The following FRMPD2 variants were observed in gnomAD, a reference collection of about 807,000 sequenced individuals.
The protein encoded by FRMPD2 is FERM and PDZ domain containing 2, also known as FERM and PDZ domain-containing protein 2.
A neutral mutation model predicts 140.1 loss-of-function variants in FRMPD2; 96 were observed. That is an observed-to-expected ratio of 0.69 (90% CI 0.58 to 0.81). FRMPD2 has a LOEUF of 0.81. Among genes scored for constraint, FRMPD2 ranks in the 40% least tolerant of loss-of-function variants. The probability of loss-of-function intolerance (pLI) is 0.00; values close to 1 mark genes in which losing one functional copy is unlikely to be tolerated. For synonymous variants in FRMPD2, 449 were observed against 547.6 expected, an observed-to-expected ratio of 0.82 and a Z score of 2.52; for missense variants, 1,240 against 1,447.4, an observed-to-expected ratio of 0.86 and a Z score of 2.32.
chr10:48,242,476 C>A, intron 4 of FRMPD2, 124 bp from the exon 5 acceptor site: 1 of 747,776 alleles, frequency 1.3e-6, no homozygotes, highest in Non-Finnish European at 2.1e-6. Context: ...AGAGCAGATG[C>A]CTGCCCCTTC....
Position 48,207,036 on chromosome 10 carries a change from A to G in FRMPD2, c.1612-103T>C, listed in dbSNP as rs1289218890. On this transcript the variant is annotated intron_variant, in intron 13 of 28. Coordinates refer to ENST00000374201, the MANE Select transcript of FRMPD2 (RefSeq NM_001018071.4). ...CAAAACACACTGATAGGCGTTCTGA[A>G]AAGAAAGAGTAGAATTGTCATGTAA... The G allele has an allele frequency of 2.9e-5, 28 of 978,070 alleles. No homozygotes were observed. In the East Asian group the frequency reaches 7.1e-4, roughly 25 times the overall value. The allele number at this position is 978,070 out of a possible 1,614,324, so 60.6% of individuals were successfully genotyped here. A position where few individuals can be genotyped will look rare whatever the true frequency, so the allele number is the denominator to read the frequency against.
intron 9 of FRMPD2, among the ~76,000 whole-genome samples, chr10:48,233,653 T>A (rs538656629): frequency 3.9e-4 from 59 of 152,154 alleles, no homozygotes; most frequent in African/African-American, 1.4e-3. Flanking sequence ...CTGAGTGAAG[T>A]CCCCAGGACA....
chr10:48,186,260 C>G (rs1005547975), intron 17 of FRMPD2, among the ~76,000 whole-genome samples: 6 of 152,212 alleles, frequency 3.9e-5, no homozygotes, highest in African/African-American at 1.2e-4. Context: ...GGTGACCCAC[C>G]ACTTCAGTCC....
At chr10:48,164,156 TG>T (rs1338956843) in intron 27 of FRMPD2, among the ~76,000 whole-genome samples, 3 of 150,564 alleles carry the variant, frequency 2.0e-5, no homozygotes, top group Admixed American at 6.6e-5. Flanking sequence ...TTTTAGGTTC[TG>T]GTTTTGATGA....
intron 14 of FRMPD2, among the ~76,000 whole-genome samples, chr10:48,204,673 G>GT (rs1195070127): frequency 2.6e-5 from 4 of 152,074 alleles, no homozygotes; most frequent in African/African-American, 4.8e-5. Flanking sequence ...AATTCATAAA[G>GT]TTTTTGTGAT....
intron 10 of FRMPD2, among the ~76,000 whole-genome samples, chr10:48,225,742 C>G (rs536443167): frequency 7.9e-5 from 12 of 152,302 alleles, no homozygotes; most frequent in African/African-American, 2.9e-4. Context: ...AATGACAAGC[C>G]TTTTCCCATA....
chr10:48,196,711 G>GT (rs1205992012), intron 15 of FRMPD2, among the ~76,000 whole-genome samples: 1 of 152,206 alleles, frequency 6.6e-6, no homozygotes, highest in Non-Finnish European at 1.5e-5. Context: ...GCTGAAAAGG[G>GT]TTACATGAAT....
chr10:48,217,428 C>T (rs769753884), intron 12 of FRMPD2, among the ~76,000 whole-genome samples: 4 of 152,178 alleles, frequency 2.6e-5, no homozygotes, highest in Admixed American at 6.5e-5. Flanking sequence ...GACACAGCAG[C>T]GCCTTCTGAA....
chr10:48,227,974 G>A (rs148562887), intron 10 of FRMPD2, among the ~76,000 whole-genome samples: 110 of 152,138 alleles, frequency 7.2e-4, no homozygotes, highest in African/African-American at 2.1e-3. Flanking sequence ...AAGCAAAAGC[G>A]TATGTATGTT....
intron 21 of FRMPD2, among the ~76,000 whole-genome samples, chr10:48,179,680 AG>A (rs1178278690): frequency 2.0e-5 from 3 of 151,926 alleles, no homozygotes; most frequent in Admixed American, 6.5e-5. Flanking sequence ...AGCTAAGATG[AG>A]TAGAAGAAAG....
chr10:48,267,832 T>C (rs2131988770), intron 1 of FRMPD2, among the ~76,000 whole-genome samples: 1 of 152,344 alleles, frequency 6.6e-6, no homozygotes, highest in East Asian at 1.9e-4. Context: ...CAAGTACTGA[T>C]ACATTCTACA....
intron 1 of FRMPD2, 88 bp from the exon 2 acceptor site, chr10:48,251,779 A>G (rs1840390077): frequency 2.0e-6 from 3 of 1,512,706 alleles, no homozygotes; most frequent in Non-Finnish European, 2.7e-6. Flanking sequence ...GCAGCCAGGC[A>G]TGGTCTGGCC....
At position 48,238,013 on chromosome 10, in the gene FRMPD2, C is replaced by A. The variant is rs1047294562; in HGVS notation, c.899G>T (p.Gly300Val). Reference protein sequence around the residue: ...SSWPTTPSQRGFLQRRSKFSR... With the variant: ...SSWPTTPSQRVFLQRRSKFSR... ...TACCTTGCTCCTTCTTTGCAGAAAACCCCTCTGAGAAGGAGTTGTTGGCCA... is the reference window on the plus strand; with the variant it reads ...TACCTTGCTCCTTCTTTGCAGAAAAACCCTCTGAGAAGGAGTTGTTGGCCA... Residue 300 changes from glycine (G) to valine (V), a missense_variant, in exon 8 of 29, where the codon GGT becomes GTT. Gly to Val is a moderately radical substitution (Grantham distance 109). Transcript: ENST00000374201. 5 of 1,614,086 alleles carry A rather than the reference C, an allele frequency of 3.1e-6. No individual in the cohort carries two copies. In the African/African-American group the frequency reaches 5.3e-5, roughly 17 times the overall value.
At position 48,240,389 on chromosome 10, in the gene FRMPD2, T is replaced by G; in HGVS notation, c.671A>C (p.Gln224Pro). ...GCAAGGATGCAGACACTCCGGGGCC[T>G]GTGCCGCTGGGCTCTCGCTGCTTGT... ...RGTSSESPAA[Q>P]APECLHPCRV... The change falls in exon 6 of 29, where the codon CAG becomes CCG. Residue 224 changes from glutamine (Q) to proline (P), a missense_variant. By Grantham distance (76) the Gln-to-Pro change is moderately conservative. Coordinates refer to ENST00000374201, the MANE Select transcript of FRMPD2 (RefSeq NM_001018071.4). The G allele has an allele frequency of 6.2e-7, 1 of 1,613,080 alleles. No individual in the cohort carries two copies. Among genetic ancestry groups the G allele is most frequent in the Non-Finnish European group, 8.5e-7 (1 of 1,180,044 alleles).
chr10:48,248,958 C>A (rs1010529694), intron 3 of FRMPD2, 63 bp downstream of exon 3: 135 of 1,452,126 alleles, frequency 9.3e-5, no homozygotes, highest in Middle Eastern at 5.0e-4. Flanking sequence ...GGGAGGCTGC[C>A]GCTGGGACAG....
intron 16 of FRMPD2, 89 bp from the exon 17 acceptor site, chr10:48,187,381 T>C: frequency 1.9e-6 from 2 of 1,078,324 alleles, no homozygotes; most frequent in Non-Finnish European, 2.8e-6. Context: ...GGCAACTTCT[T>C]GGCATTTCTG....
chr10:48,257,811 A>G (rs963441782), intron 1 of FRMPD2, among the ~76,000 whole-genome samples: 1 of 152,190 alleles, frequency 6.6e-6, no homozygotes, highest in Admixed American at 6.5e-5. Flanking sequence ...AGTGCTCAGC[A>G]CATAAAAGGT....
chr10:48,219,941 A>G (rs1276371235), intron 12 of FRMPD2, among the ~76,000 whole-genome samples: 1 of 152,196 alleles, frequency 6.6e-6, no homozygotes, highest in African/African-American at 2.4e-5. Flanking sequence ...TAGACTTTAC[A>G]ATGTACTAGC....
At position 48,222,461 on chromosome 10, in the gene FRMPD2, A is replaced by G. The variant is rs755738266; in HGVS notation, c.1317-10T>C. 9 of 1,613,580 alleles carry G rather than the reference A, an allele frequency of 5.6e-6. No homozygotes were observed. The highest frequency in any genetic ancestry group is 7.6e-6 in the Non-Finnish European group (9 of 1,179,738). On this transcript the variant is annotated splice_polypyrimidine_tract_variant and intron_variant, in intron 11 of 28. Coordinates refer to ENST00000374201, the MANE Select transcript of FRMPD2 (RefSeq NM_001018071.4). ...CCTTGTCAGGCTGTGCCTGGAAAAG[A>G]AGTAGCAATAAAAAGGGCTGGGTTG...
Sources: gnomAD v4.1 joint callset for allele counts (sites outside exome capture counted in the v4.1 genomes callset) on GRCh38, gnomAD v4.1.1 for gene constraint, MANE v1.5 for transcripts, NCBI Gene and HGNC (gene_info 2026-07-23, HGNC 2026-07-21) for gene names.